The following FHIT variants were observed in gnomAD, a reference collection of about 807,000 sequenced individuals.
FHIT encodes the protein fragile histidine triad diadenosine triphosphatase.
In FHIT, 19 loss-of-function variants were observed where a neutral mutation model predicts 17.9. The observed-to-expected ratio is 1.06, with a 90% CI of 0.74 to 1.56. FHIT has a LOEUF of 1.56. Among genes scored for constraint, FHIT ranks in the 40% most tolerant of loss-of-function variants. FHIT has a pLI of 0.00. For missense variants in FHIT, 248 were observed against 189.2 expected (o/e 1.31, Z -1.82); for synonymous variants, 81 against 69.7 (o/e 1.16, Z -0.81).
At chr3:59,833,271 A>G (rs756907778) in intron 8 of FHIT, among the ~76,000 whole-genome samples, 5 of 152,154 alleles carry the variant, frequency 3.3e-5, no homozygotes, top group African/African-American at 4.8e-5. Flanking sequence ...TGAGGATGCA[A>G]TTAGTTCAGA....
chr3:60,046,957 A>C (rs1701678406), intron 5 of FHIT, among the ~76,000 whole-genome samples: 1 of 152,228 alleles, frequency 6.6e-6, no homozygotes, highest in Admixed American at 6.5e-5. Flanking sequence ...CAAGTATATA[A>C]ACAGGGCTAT....
At chr3:59,849,089 G>A (rs1024976317) in intron 8 of FHIT, among the ~76,000 whole-genome samples, 18 of 152,052 alleles carry the variant, frequency 1.2e-4, no homozygotes, top group African/African-American at 2.4e-4. Flanking sequence ...TAAGATTCTC[G>A]GCCAGGCTCA....
In FHIT at chr3:59,892,266, T is replaced by G. The variant is rs540632238; in HGVS notation, c.348+30080A>C. On this transcript the variant is annotated intron_variant, in intron 8 of 9. Coordinates refer to ENST00000492590, the MANE Select transcript of FHIT (RefSeq NM_002012.4). ...TGAACCTCCTAAGCAAACTGACAAA[T>G]TGCGCTCAGGAGTCCAGTTCCCAGC... Among the ~76,000 whole-genome samples, 108 of 152,300 alleles carry G rather than the reference T, an allele frequency of 7.1e-4. 3 individuals carry two copies. The Middle Eastern group carries it at 0.01, about 14-fold the overall frequency.
chr3:60,638,944 T>G (rs1577012535), intron 4 of FHIT, among the ~76,000 whole-genome samples: 1 of 148,956 alleles, frequency 6.7e-6, no homozygotes, highest in Non-Finnish European at 1.5e-5. Flanking sequence ...TGGCTATGAA[T>G]GAATAACTTC....
intron 5 of FHIT, among the ~76,000 whole-genome samples, chr3:60,350,506 A>G (rs1432394386): frequency 6.6e-6 from 1 of 152,174 alleles, no homozygotes; most frequent in East Asian, 1.9e-4. Flanking sequence ...ACCATTATGT[A>G]GAACAAATAA....
intron 7 of FHIT, among the ~76,000 whole-genome samples, chr3:59,998,516 T>G (rs1047937685): frequency 6.6e-5 from 10 of 152,102 alleles, no homozygotes; most frequent in African/African-American, 2.2e-4. Context: ...GGACCTCGTG[T>G]TCTTTAGAGA....
intron 2 of FHIT, among the ~76,000 whole-genome samples, chr3:61,075,518 A>C (rs1404207005): frequency 6.6e-6 from 1 of 152,092 alleles, no homozygotes; most frequent in African/African-American, 2.4e-5. Context: ...AACAAAATTA[A>C]AAAAAGATAA....
At chr3:61,124,050 A>G (rs2036539183) in intron 2 of FHIT, among the ~76,000 whole-genome samples, 1 of 152,184 alleles carries the variant, frequency 6.6e-6, no homozygotes, top group Non-Finnish European at 1.5e-5. Flanking sequence ...AAGGCAGGGG[A>G]TAGAAAATAG....
intron 7 of FHIT, among the ~76,000 whole-genome samples, chr3:59,959,186 G>T (rs991247890): frequency 6.6e-6 from 1 of 152,148 alleles, no homozygotes; most frequent in Non-Finnish European, 1.5e-5. Context: ...TGTGTATAGG[G>T]AGAGTGATGA....
chr3:60,139,595 G>A (rs946104115), intron 5 of FHIT, among the ~76,000 whole-genome samples: 15 of 152,108 alleles, frequency 9.9e-5, no homozygotes, highest in Admixed American at 3.3e-4. Context: ...AACCATTCAT[G>A]TTCTTGCCTG....
chr3:59,756,210 C>CCTAA (rs59120443), intron 8 of FHIT, among the ~76,000 whole-genome samples: 20,379 of 152,000 alleles, frequency 0.13, 1,583 homozygotes, highest in African/African-American at 0.19. Context: ...ATCTTTTGGA[C>CCTAA]CTAACTAACT....
chr3:60,072,000 G>A (rs547137191), intron 5 of FHIT, among the ~76,000 whole-genome samples: 5 of 152,212 alleles, frequency 3.3e-5, no homozygotes, highest in Middle Eastern at 3.4e-3. Context: ...CTGTGAGTCC[G>A]TTAAACCTCT....
intron 4 of FHIT, among the ~76,000 whole-genome samples, chr3:60,719,445 T>C (rs1553707543): frequency 6.6e-6 from 1 of 152,180 alleles, no homozygotes; most frequent in African/African-American, 2.4e-5. Context: ...TGTATAACTC[T>C]CCATCTTTCA....
intron 7 of FHIT, among the ~76,000 whole-genome samples, chr3:59,965,123 A>G (rs1013812874): frequency 1.2e-4 from 18 of 152,184 alleles, no homozygotes; most frequent in Non-Finnish European, 2.2e-4. Context: ...TAAATCAGAG[A>G]GTTAGCAAAA....
rs140883723 is a variant in FHIT at position 60,036,169 on chromosome 3, T to C, written c.104-22017A>G. ...AAGAAGCATAATGCTACCATACACC[T>C]GGAAGAAAGAAGAACTAAAAATATT... On this transcript the variant is annotated intron_variant, in intron 5 of 9. Coordinates refer to ENST00000492590, the MANE Select transcript of FHIT (RefSeq NM_002012.4). Among the ~76,000 whole-genome samples the C allele has an allele frequency of 7.6e-4, 116 of 152,294 alleles. No homozygotes were observed. In the East Asian group the frequency reaches 0.02, roughly 26 times the overall value.
intron 5 of FHIT, among the ~76,000 whole-genome samples, chr3:60,353,664 G>A: frequency 6.6e-6 from 1 of 151,936 alleles, no homozygotes; most frequent in African/African-American, 2.4e-5. Context: ...GTTAGAAAAA[G>A]TTACAAATTA....
intron 8 of FHIT, among the ~76,000 whole-genome samples, chr3:59,848,131 C>G (rs1239117621): frequency 6.6e-6 from 1 of 152,168 alleles, no homozygotes; most frequent in East Asian, 1.9e-4. Context: ...GTGGCTCCCA[C>G]AAGCCATGTG....
intron 5 of FHIT, among the ~76,000 whole-genome samples, chr3:60,126,480 G>A (rs1242246827): frequency 6.6e-6 from 1 of 152,144 alleles, no homozygotes; most frequent in Non-Finnish European, 1.5e-5. Context: ...TACTACCACT[G>A]TCATAACAAA....
At chr3:61,237,284 T>C (rs947821393) in intron 1 of FHIT, among the ~76,000 whole-genome samples, 5 of 152,228 alleles carry the variant, frequency 3.3e-5, no homozygotes, top group Non-Finnish European at 5.9e-5. Flanking sequence ...TGACAGATAT[T>C]AATATTTATC....
Sources: gnomAD v4.1 joint callset for allele counts (sites outside exome capture counted in the v4.1 genomes callset) on GRCh38, gnomAD v4.1.1 for gene constraint, MANE v1.5 for transcripts, NCBI Gene and HGNC (gene_info 2026-07-23, HGNC 2026-07-21) for gene names.